FUT9: variants seen among roughly 807,000 people sequenced by gnomAD.
FUT9 encodes the protein fucosyltransferase 9, also known as 4-galactosyl-N-acetylglucosaminide 3-alpha-L-fucosyltransferase 9.
In FUT9, 15 loss-of-function variants were observed where a neutral mutation model predicts 29.7. That is an observed-to-expected ratio of 0.51 (90% CI 0.34 to 0.78). FUT9 has a LOEUF of 0.78. Among genes scored for constraint, FUT9 ranks in the 30% least tolerant of loss-of-function variants. The probability of loss-of-function intolerance (pLI) is 0.01; values close to 1 mark genes in which losing one functional copy is unlikely to be tolerated. For missense variants in FUT9, 319 were observed against 425.4 expected (o/e 0.75, Z 2.20); for synonymous variants, 169 against 153.7 (o/e 1.10, Z -0.74).
chr6:96,199,572 A>G (rs1230000220), intron 2 of FUT9, among the ~76,000 whole-genome samples: 4 of 152,154 alleles, frequency 2.6e-5, no homozygotes, highest in Admixed American at 6.6e-5. Context: ...AGAGACTGAG[A>G]CATGGAACTA....
At chr6:96,108,174 A>C (rs1452440433) in intron 1 of FUT9, among the ~76,000 whole-genome samples, 1 of 152,074 alleles carries the variant, frequency 6.6e-6, no homozygotes. Context: ...TTTCTACCTA[A>C]TGTAAAGAGC....
chr6:96,115,280 C>T (rs1483829340), intron 2 of FUT9, among the ~76,000 whole-genome samples: 6 of 152,148 alleles, frequency 3.9e-5, no homozygotes, highest in African/African-American at 1.4e-4. Context: ...TAGCCCTGTA[C>T]ATTCCAAATA....
At chr6:96,185,509 T>C (rs138535684) in intron 2 of FUT9, among the ~76,000 whole-genome samples, 5 of 151,648 alleles carry the variant, frequency 3.3e-5, no homozygotes, top group African/African-American at 1.2e-4. Flanking sequence ...AAGATGGAGG[T>C]TCTTTAATAG....
At chr6:96,165,223 G>A (rs1202543209) in intron 2 of FUT9, among the ~76,000 whole-genome samples, 8 of 152,108 alleles carry the variant, frequency 5.3e-5, no homozygotes. Context: ...CCTGAGGTCA[G>A]GAGTTCGAGA....
At chr6:96,202,094 A>G (rs964175266) in intron 2 of FUT9, among the ~76,000 whole-genome samples, 2 of 152,068 alleles carry the variant, frequency 1.3e-5, no homozygotes, top group African/African-American at 4.8e-5. Context: ...GAGAAGCAAC[A>G]TGAATTTCAA....
At position 96,211,037 on chromosome 6, in the gene FUT9, T is replaced by C. The variant is rs1041746755; in HGVS notation, c.*6802T>C. 1.8e-5 allele frequency: 3 copies of C among 167,028 alleles called. No individual in the cohort carries two copies. The highest frequency in any genetic ancestry group is 1.3e-4 in the Admixed American group (2 of 15,238). The allele number at this position is 167,028 out of a possible 1,614,324, so 10.3% of individuals were successfully genotyped here. Reference sequence around the variant, plus strand: ...AGTGCTATTTTCACAATTTTAATTCTAAAACTCTGAAGACATTAAACAGGC... The same window carrying C: ...AGTGCTATTTTCACAATTTTAATTCCAAAACTCTGAAGACATTAAACAGGC... On this transcript the variant is annotated 3_prime_UTR_variant, in exon 3 of 3. Coordinates refer to ENST00000302103, the MANE Select transcript of FUT9 (RefSeq NM_006581.4).
At chr6:96,122,768 C>T (rs1045741389) in intron 2 of FUT9, among the ~76,000 whole-genome samples, 3 of 152,076 alleles carry the variant, frequency 2.0e-5, no homozygotes, top group East Asian at 1.9e-4. Flanking sequence ...AGCTTATGGC[C>T]GGGTACGGTG....
chr6:96,175,938 G>A (rs1175392359), intron 2 of FUT9, among the ~76,000 whole-genome samples: 7 of 152,216 alleles, frequency 4.6e-5, no homozygotes, highest in African/African-American at 1.4e-4. Flanking sequence ...TCTCACCAAC[G>A]TGACTGGGCA....
At chr6:96,156,181 T>C (rs1167843614) in intron 2 of FUT9, among the ~76,000 whole-genome samples, 1 of 152,208 alleles carries the variant, frequency 6.6e-6, no homozygotes, top group Non-Finnish European at 1.5e-5. Context: ...GTCCCTGTAA[T>C]TTTCCTTCCA....
At chr6:96,024,611 A>T (rs1770131609) in intron 1 of FUT9, among the ~76,000 whole-genome samples, 1 of 151,744 alleles carries the variant, frequency 6.6e-6, no homozygotes, top group African/African-American at 2.4e-5. Context: ...CTTGGCTCAC[A>T]CAATGGTGAC....
chr6:96,028,362 G>A (rs1276435606), intron 1 of FUT9, among the ~76,000 whole-genome samples: 1 of 151,534 alleles, frequency 6.6e-6, no homozygotes. Flanking sequence ...GTTTTGGCCA[G>A]TATTTTTAAT....
intron 2 of FUT9, among the ~76,000 whole-genome samples, chr6:96,165,611 G>A (rs1203998092): frequency 1.3e-5 from 2 of 151,484 alleles, no homozygotes; most frequent in African/African-American, 4.9e-5. Flanking sequence ...GCAAGTGACT[G>A]TCACTTGTGC....
chr6:96,199,870 A>C (rs187089261), intron 2 of FUT9, among the ~76,000 whole-genome samples: 66 of 152,260 alleles, frequency 4.3e-4, no homozygotes, highest in African/African-American at 1.6e-3. Flanking sequence ...TTAAGCATCT[A>C]CTACATTCTG....
chr6:96,158,727 TC>T (rs1304589303), intron 2 of FUT9, among the ~76,000 whole-genome samples: 1 of 152,096 alleles, frequency 6.6e-6, no homozygotes, highest in African/African-American at 2.4e-5. Context: ...TGTTGCTTCA[TC>T]CCCCAAATTG....
intron 2 of FUT9, among the ~76,000 whole-genome samples, chr6:96,177,941 C>T (rs1006000814): frequency 2.0e-5 from 3 of 152,174 alleles, no homozygotes; most frequent in Admixed American, 1.3e-4. Context: ...ACATCTTTTT[C>T]CCCAGAGCAG....
rs191070478 is a variant in FUT9, at chr6:96,090,734, A to T, written c.-97-23305A>T. ...GACAGTATGAAATAGACAATTATTA[A>T]AAAAAAGTTACTACAATAATAGTCA... On this transcript the variant is annotated intron_variant, in intron 1 of 2. Coordinates refer to ENST00000302103, the MANE Select transcript of FUT9 (RefSeq NM_006581.4). Among the ~76,000 whole-genome samples the T allele has an allele frequency of 5.8e-4, 88 of 151,934 alleles. No individual in the cohort carries two copies. The East Asian group carries it at 0.011, about 20-fold the overall frequency.
At position 96,106,922 on chromosome 6, in the gene FUT9, T is replaced by A. The variant is rs1447683625; in HGVS notation, c.-97-7117T>A. Among the ~76,000 whole-genome samples the A allele has an allele frequency of 4.6e-5, 7 of 152,348 alleles. No homozygotes were observed. In the South Asian group the frequency reaches 1.0e-3, roughly 23 times the overall value. On this transcript the variant is annotated intron_variant, in intron 1 of 2. Coordinates refer to ENST00000302103, the MANE Select transcript of FUT9 (RefSeq NM_006581.4). ...TAAAAAATAAAAAAATTCATTTTGG[T>A]TTAAACCAGAATTTGGTAAACTACA...
intron 2 of FUT9, among the ~76,000 whole-genome samples, chr6:96,169,955 C>A (rs966210792): frequency 6.6e-6 from 1 of 152,046 alleles, no homozygotes; most frequent in Non-Finnish European, 1.5e-5. Context: ...TTATTTATTT[C>A]ACATGTAATT....
intron 2 of FUT9, among the ~76,000 whole-genome samples, chr6:96,181,683 G>A (rs1773312162): frequency 6.6e-6 from 1 of 151,806 alleles, no homozygotes; most frequent in Non-Finnish European, 1.5e-5. Flanking sequence ...ACAATGTTTG[G>A]TTTTCCACTC....
Sources: allele counts gnomAD v4.1 joint callset (sites outside exome capture counted in the v4.1 genomes callset), GRCh38; gene constraint gnomAD v4.1.1; transcripts MANE v1.5; gene names NCBI Gene and HGNC (gene_info 2026-07-23, HGNC 2026-07-21).